The following VSNL1 variants were observed in gnomAD, a reference collection of about 807,000 sequenced individuals.
VSNL1 encodes the protein visinin like 1.
VSNL1 carries 6 observed loss-of-function variants against 20.4 expected under a neutral mutation model. That is an observed-to-expected ratio of 0.29 (90% CI 0.16 to 0.58). The LOEUF (loss-of-function observed/expected upper bound fraction) is 0.58, where lower values mean the gene tolerates loss of function less well. Among genes scored for constraint, VSNL1 ranks in the 20% least tolerant of loss-of-function variants. The pLI is 0.90. For missense variants in VSNL1, 100 were observed against 234.5 expected, an observed-to-expected ratio of 0.43 and a Z score of 3.75; for synonymous variants, 93 against 86.4, an observed-to-expected ratio of 1.08 and a Z score of -0.42.
At position 17,656,978 on chromosome 2, in the gene VSNL1, T is replaced by C. The variant is rs976006192; in HGVS notation, c.*1584T>C. On this transcript the variant is annotated 3_prime_UTR_variant, in exon 4 of 4. Coordinates refer to ENST00000295156, the MANE Select transcript of VSNL1 (RefSeq NM_003385.5). Reference sequence around the variant, plus strand: ...CGAATTCGTTTTTTACCATTCTTTATTTGTCTTAGGATCATTACATAACAC... The same window carrying C: ...CGAATTCGTTTTTTACCATTCTTTACTTGTCTTAGGATCATTACATAACAC... 2 of 152,242 alleles carry C rather than the reference T, an allele frequency of 1.3e-5. No homozygotes were observed. The highest frequency in any genetic ancestry group is 2.9e-5 in the Non-Finnish European group (2 of 68,036). 9.4% of individuals were successfully genotyped at this position (152,242 alleles called of 1,614,324 possible). A position where few individuals can be genotyped will look rare whatever the true frequency, so the allele number is the denominator to read the frequency against.
intron 2 of VSNL1, among the ~76,000 whole-genome samples, chr2:17,601,246 T>C (rs1467005650): frequency 6.6e-6 from 1 of 152,168 alleles, no homozygotes; most frequent in Non-Finnish European, 1.5e-5. Context: ...TTGAAGCCCT[T>C]GAATGAGGGT....
At chr2:17,650,702 C>T (rs953246963) in intron 3 of VSNL1, among the ~76,000 whole-genome samples, 6 of 152,184 alleles carry the variant, frequency 3.9e-5, no homozygotes, top group Non-Finnish European at 8.8e-5. Flanking sequence ...GAAACAGAAG[C>T]CAAAGCCCCA....
chr2:17,592,985 AG>A (rs1467744033), intron 2 of VSNL1, among the ~76,000 whole-genome samples: 1 of 152,216 alleles, frequency 6.6e-6, no homozygotes, highest in Non-Finnish European at 1.5e-5. Flanking sequence ...ATGTTACACA[AG>A]TGAAAGAAAT....
At chr2:17,552,210 A>AC (rs938713720) in intron 1 of VSNL1, among the ~76,000 whole-genome samples, 3 of 151,522 alleles carry the variant, frequency 2.0e-5, no homozygotes, top group Non-Finnish European at 4.4e-5. Context: ...AAAAAAAAAA[A>AC]AACAAAAAAA....
At chr2:17,625,874 C>T (rs1371871012) in intron 2 of VSNL1, among the ~76,000 whole-genome samples, 12 of 141,044 alleles carry the variant, frequency 8.5e-5, no homozygotes, top group South Asian at 2.2e-4. Context: ...GAGATCTCAG[C>T]GCACTACAAC....
intron 2 of VSNL1, among the ~76,000 whole-genome samples, chr2:17,616,401 C>T: frequency 6.6e-6 from 1 of 152,238 alleles, no homozygotes; most frequent in East Asian, 1.9e-4. Context: ...CGGTGACTTT[C>T]TTTATCATGA....
At chr2:17,625,166 T>G (rs1011826025) in intron 2 of VSNL1, among the ~76,000 whole-genome samples, 1 of 152,222 alleles carries the variant, frequency 6.6e-6, no homozygotes, top group Non-Finnish European at 1.5e-5. Flanking sequence ...AAGACAGGAC[T>G]TGTTCCTCCT....
intron 2 of VSNL1, among the ~76,000 whole-genome samples, chr2:17,618,816 TGAG>T (rs1665280932): frequency 6.6e-6 from 1 of 152,156 alleles, no homozygotes; most frequent in African/African-American, 2.4e-5. Flanking sequence ...AAATTAGACA[TGAG>T]GAGTTCAGTG....
At chr2:17,616,766 C>T (rs1047964486) in intron 2 of VSNL1, among the ~76,000 whole-genome samples, 1 of 152,232 alleles carries the variant, frequency 6.6e-6, no homozygotes, top group Non-Finnish European at 1.5e-5. Flanking sequence ...CCCTCCTGCC[C>T]AGTGGCAGAA....
intron 2 of VSNL1, among the ~76,000 whole-genome samples, chr2:17,597,496 G>C (rs1664736676): frequency 6.6e-6 from 1 of 152,202 alleles, no homozygotes. Flanking sequence ...TCTTAGAAAA[G>C]TCTTAGGCCA....
intron 2 of VSNL1, among the ~76,000 whole-genome samples, chr2:17,593,821 A>G (rs1287966996): frequency 6.6e-6 from 1 of 152,212 alleles, no homozygotes; most frequent in East Asian, 1.9e-4. Flanking sequence ...CTAGATAACC[A>G]TACTACTCTC....
chr2:17,642,529 CG>C (rs1004472260), intron 2 of VSNL1, among the ~76,000 whole-genome samples: 116 of 152,084 alleles, frequency 7.6e-4, no homozygotes, highest in African/African-American at 2.8e-3. Context: ...AGGATGGTCT[CG>C]ATCTCTTGAC....
intron 2 of VSNL1, among the ~76,000 whole-genome samples, chr2:17,618,063 G>A (rs990394116): frequency 6.6e-6 from 1 of 152,138 alleles, no homozygotes; most frequent in Non-Finnish European, 1.5e-5. Flanking sequence ...AGTGTGAGAG[G>A]ACCAGCTCTT....
intron 1 of VSNL1, among the ~76,000 whole-genome samples, chr2:17,545,259 A>G (rs1317729143): frequency 1.3e-5 from 2 of 152,126 alleles, no homozygotes; most frequent in Admixed American, 1.3e-4. Context: ...TAGTAACGAA[A>G]AAAACTAGAT....
At chr2:17,618,263 A>T (rs1665266322) in intron 2 of VSNL1, among the ~76,000 whole-genome samples, 1 of 152,202 alleles carries the variant, frequency 6.6e-6, no homozygotes, top group African/African-American at 2.4e-5. Flanking sequence ...AGATTTCATT[A>T]GGCTTGGGTT....
intron 2 of VSNL1, among the ~76,000 whole-genome samples, chr2:17,624,225 G>A: frequency 6.6e-6 from 1 of 152,204 alleles, no homozygotes; most frequent in East Asian, 1.9e-4. Context: ...AGGGAACAAT[G>A]CCTGTGTGGA....
intron 2 of VSNL1, among the ~76,000 whole-genome samples, chr2:17,592,762 G>GT: frequency 6.8e-6 from 1 of 147,616 alleles, no homozygotes; most frequent in African/African-American, 2.5e-5. Context: ...GGAGTGTAGC[G>GT]TATCTCTGGT....
chr2:17,601,127 G>A (rs1163427666), intron 2 of VSNL1, among the ~76,000 whole-genome samples: 1 of 152,162 alleles, frequency 6.6e-6, no homozygotes, highest in African/African-American at 2.4e-5. Flanking sequence ...CATCCTGAAG[G>A]AATTGCTCTT....
In VSNL1 at chr2:17,634,263, C is replaced by CT. The variant is rs890063797; in HGVS notation, c.163-15145dup. Among the ~76,000 whole-genome samples the CT allele has an allele frequency of 6.6e-6, 1 of 152,218 alleles. No homozygotes were observed. Among genetic ancestry groups the CT allele is most frequent in the Non-Finnish European group, 1.5e-5 (1 of 68,030 alleles). On this transcript the variant is annotated intron_variant, in intron 2 of 3. Transcript: ENST00000295156. This position sits in a 1 kb window ranked among gnomAD's most constrained non-coding sequence, Gnocchi z 4.3. ...GCCCTGTGCTCAGAAGGACCCCACA[C>CT]TTGGCTTACTGCTCTGCTGCTGCCA...
Sources: gnomAD v4.1 joint callset for allele counts (sites outside exome capture counted in the v4.1 genomes callset) on GRCh38, gnomAD v4.1.1 for gene constraint, Gnocchi (gnomAD v3.1) non-coding constraint, MANE v1.5 for transcripts, NCBI Gene and HGNC (gene_info 2026-07-23, HGNC 2026-07-21) for gene names.